The following SMCO4 variants were observed in gnomAD, a reference collection of about 807,000 sequenced individuals.
SMCO4 encodes the protein single-pass membrane and coiled-coil domain-containing protein 4.
Under a neutral mutation model 3.6 loss-of-function variants are expected in SMCO4, and 4 were observed. The ratio of observed to expected loss-of-function variants is 1.11; its 90% CI spans 0.54 to 2.53. SMCO4 has a LOEUF of 2.53. Ranked by LOEUF, SMCO4 falls within the 30% of genes most tolerant of loss-of-function variation. SMCO4 has a pLI of 0.02. For synonymous variants in SMCO4, 36 were observed against 35.3 expected, an observed-to-expected ratio of 1.02 and a Z score of -0.07; for missense variants, 70 against 80.8, an observed-to-expected ratio of 0.87 and a Z score of 0.51.
At chr11:93,532,644 C>T (rs1398341334) in intron 1 of SMCO4, among the ~76,000 whole-genome samples, 5 of 152,190 alleles carry the variant, frequency 3.3e-5, no homozygotes, top group African/African-American at 1.2e-4. Flanking sequence ...GACTCATACA[C>T]AGACACAGGG....
intron 1 of SMCO4, chr11:93,535,331 G>C (rs770301064): frequency 2.4e-5 from 14 of 587,072 alleles, no homozygotes; most frequent in Admixed American, 1.2e-4. Context: ...TTGAGGGTTT[G>C]GTTCCCTCAT....
rs551212805 is a variant in SMCO4 at position 93,504,214 on chromosome 11, A to C, written c.-153-4866T>G. On this transcript the variant is annotated intron_variant, in intron 1 of 2. Transcript: ENST00000298966. ...TAGAAATCAAGAGGTCCAAAAACTC[A>C]ATGGGAATTTCCCTAATTCAATCTC... Among the ~76,000 whole-genome samples the C allele has an allele frequency of 5.3e-5, 8 of 152,346 alleles. No individual in the cohort carries two copies. In the South Asian group the frequency reaches 1.7e-3, roughly 32 times the overall value.
intron 2 of SMCO4, among the ~76,000 whole-genome samples, chr11:93,489,984 C>A (rs1948694603): frequency 6.6e-6 from 1 of 152,336 alleles, no homozygotes; most frequent in South Asian, 2.1e-4. Flanking sequence ...AGTCTAGAGA[C>A]CAAAGCAGCC....
chr11:93,544,026 G>A (rs1460868118), upstream of SMCO4, among the ~76,000 whole-genome samples: 2 of 152,146 alleles, frequency 1.3e-5, no homozygotes, highest in Non-Finnish European at 1.5e-5. Context: ...AGAGGCCCAC[G>A]GCTAAATGTT....
At chr11:93,546,812 G>A (rs559126676), upstream of SMCO4, among the ~76,000 whole-genome samples, 2 of 152,294 alleles carry the variant, frequency 1.3e-5, no homozygotes, top group East Asian at 3.9e-4. Flanking sequence ...ATGAGGTCTG[G>A]TGCAGCTTGC....
At chr11:93,516,993 T>TC (rs1225380685) in intron 1 of SMCO4, among the ~76,000 whole-genome samples, 1 of 152,088 alleles carries the variant, frequency 6.6e-6, no homozygotes, top group Non-Finnish European at 1.5e-5. Context: ...TGGGAGCCTC[T>TC]CCTTAGATCC....
the SMCO4 span, among the ~76,000 whole-genome samples, chr11:93,550,132 C>T: frequency 1.3e-5 from 2 of 152,180 alleles, no homozygotes; most frequent in Admixed American, 6.5e-5. Flanking sequence ...TCCTACTCTA[C>T]CCCTGCTGCC....
chr11:93,499,387 G>A (rs1948811967), intron 1 of SMCO4, 39 bp from the exon 2 acceptor site: 1 of 152,152 alleles, frequency 6.6e-6, no homozygotes, highest in African/African-American at 2.4e-5. Context: ...ATAGCTGCTG[G>A]GGAGGTATCC....
At chr11:93,536,864 C>G (rs2134638797) in intron 1 of SMCO4, among the ~76,000 whole-genome samples, 1 of 152,312 alleles carries the variant, frequency 6.6e-6, no homozygotes, top group African/African-American at 2.4e-5. Context: ...ATTGCTGCAC[C>G]AATTTGAACA....
At chr11:93,527,906 G>A (rs868631192) in intron 1 of SMCO4, among the ~76,000 whole-genome samples, 23 of 152,310 alleles carry the variant, frequency 1.5e-4, no homozygotes, top group African/African-American at 5.5e-4. Flanking sequence ...CTCCTGAGTA[G>A]CTGGGCCTAT....
At chr11:93,509,297 G>GAA (rs34599036) in intron 1 of SMCO4, among the ~76,000 whole-genome samples, 50 of 140,598 alleles carry the variant, frequency 3.6e-4, no homozygotes, top group South Asian at 1.1e-3. Context: ...CTCAAAAATG[G>GAA]AAAAAAAAAA....
intron 1 of SMCO4, chr11:93,535,583 C>A: frequency 6.6e-7 from 1 of 1,525,254 alleles, no homozygotes; most frequent in Non-Finnish European, 9.1e-7. Context: ...CGAACCAAAT[C>A]CATTCCAAAG....
At chr11:93,511,669 T>G (rs187018300) in intron 1 of SMCO4, among the ~76,000 whole-genome samples, 3 of 152,316 alleles carry the variant, frequency 2.0e-5, no homozygotes, top group African/African-American at 7.2e-5. Flanking sequence ...CTTATCACCT[T>G]GTGCCCTGAG....
chr11:93,541,183 C>A (rs1453450378), intron 1 of SMCO4, among the ~76,000 whole-genome samples: 2 of 152,186 alleles, frequency 1.3e-5, no homozygotes, highest in Non-Finnish European at 2.9e-5. Context: ...GCTGTGATGG[C>A]CCTCAGCACC....
chr11:93,533,746 A>G (rs920534461), intron 1 of SMCO4, among the ~76,000 whole-genome samples: 1 of 152,134 alleles, frequency 6.6e-6, no homozygotes, highest in Non-Finnish European at 1.5e-5. Context: ...CCTCCACCGA[A>G]GCCTCCCACC....
chr11:93,551,847 G>A, the SMCO4 span, among the ~76,000 whole-genome samples: 1 of 152,150 alleles, frequency 6.6e-6, no homozygotes, highest in African/African-American at 2.4e-5. Context: ...ATTTAGAAGT[G>A]CAGAGATGGA....
chr11:93,506,282 G>A (rs1948901364), intron 1 of SMCO4, among the ~76,000 whole-genome samples: 1 of 152,182 alleles, frequency 6.6e-6, no homozygotes, highest in Non-Finnish European at 1.5e-5. Context: ...CCCTTTCTGG[G>A]AGTCCCGCCA....
At chr11:93,542,987 C>T (rs1158715509) in intron 1 of SMCO4, among the ~76,000 whole-genome samples, 1 of 151,892 alleles carries the variant, frequency 6.6e-6, no homozygotes, top group Admixed American at 6.5e-5. Context: ...TCCGCCCCAA[C>T]TTTTCCCAGC....
chr11:93,543,855 AC>A (rs1949294318), upstream of SMCO4, among the ~76,000 whole-genome samples: 1 of 152,184 alleles, frequency 6.6e-6, no homozygotes, highest in Non-Finnish European at 1.5e-5. Context: ...ATGAGTTGAG[AC>A]TTTTACCGCT....
Sources: gnomAD v4.1 joint callset for allele counts (sites outside exome capture counted in the v4.1 genomes callset) on GRCh38, gnomAD v4.1.1 for gene constraint, MANE v1.5 for transcripts, NCBI Gene and HGNC (gene_info 2026-07-23, HGNC 2026-07-21) for gene names.